The following DBX2 variants were observed in gnomAD, a reference collection of about 807,000 sequenced individuals.
The protein encoded by DBX2 is homeobox protein DBX2.
DBX2 carries 16 observed loss-of-function variants against 17.7 expected under a neutral mutation model. The observed-to-expected ratio is 0.90, with a 90% CI of 0.61 to 1.37. The LOEUF is 1.37. Ranked by LOEUF, DBX2 falls within the 40% of genes most tolerant of loss-of-function variation. The pLI, the probability that DBX2 is intolerant of heterozygous loss-of-function variation, is 0.00. For synonymous variants in DBX2, 255 were observed against 183.8 expected, an observed-to-expected ratio of 1.39 and a Z score of -3.13; for missense variants, 538 against 433.8, an observed-to-expected ratio of 1.24 and a Z score of -2.13.
At chr12:45,028,702 A>C (rs1052279067) in intron 2 of DBX2, among the ~76,000 whole-genome samples, 2 of 152,230 alleles carry the variant, frequency 1.3e-5, no homozygotes, top group Admixed American at 1.3e-4. Context: ...TGAGACCTGG[A>C]GTAAGGGTCA....
intron 3 of DBX2, among the ~76,000 whole-genome samples, chr12:45,023,280 T>C (rs1946363113): frequency 6.6e-6 from 1 of 152,224 alleles, no homozygotes; most frequent in Non-Finnish European, 1.5e-5. Flanking sequence ...GGTTTGATTT[T>C]TGGATTGGAA....
chr12:45,035,937 T>C, intron 2 of DBX2, 82 bp downstream of exon 2: 2 of 1,304,156 alleles, frequency 1.5e-6, no homozygotes, highest in South Asian at 2.9e-5. Flanking sequence ...GCATTACCAA[T>C]TAGTTTTCCA....
At chr12:45,044,224 G>T (rs1392682570) in intron 1 of DBX2, among the ~76,000 whole-genome samples, 3 of 144,046 alleles carry the variant, frequency 2.1e-5, no homozygotes, top group African/African-American at 5.7e-5. Flanking sequence ...TAAACAATCA[G>T]ATGGTCTTTT....
chr12:45,023,597 C>T (rs1434438588), intron 3 of DBX2, 110 bp downstream of exon 3: 2 of 1,262,530 alleles, frequency 1.6e-6, no homozygotes, highest in East Asian at 4.7e-5. Flanking sequence ...CCATTGTGTG[C>T]CTTAAGAAAT....
intron 1 of DBX2, among the ~76,000 whole-genome samples, chr12:45,043,896 A>T (rs1946485161): frequency 6.6e-6 from 1 of 152,064 alleles, no homozygotes; most frequent in African/African-American, 2.4e-5. Flanking sequence ...TGCTGACTCT[A>T]CCACTGTTCA....
At chr12:45,033,758 G>C (rs895926892) in intron 2 of DBX2, among the ~76,000 whole-genome samples, 1 of 152,106 alleles carries the variant, frequency 6.6e-6, no homozygotes, top group Admixed American at 6.5e-5. Flanking sequence ...GCCAAACCAA[G>C]TGCATCATTT....
At chr12:45,018,684 T>G (rs975522471) in intron 3 of DBX2, among the ~76,000 whole-genome samples, 4 of 152,042 alleles carry the variant, frequency 2.6e-5, no homozygotes, top group South Asian at 2.1e-4. Flanking sequence ...TAAATGATAT[T>G]TGTACACCCA....
chr12:45,044,937 A>G (rs1007629654), intron 1 of DBX2, among the ~76,000 whole-genome samples: 2 of 152,200 alleles, frequency 1.3e-5, no homozygotes, highest in Non-Finnish European at 2.9e-5. Context: ...GATTTCATTA[A>G]AAGTGGAAAC....
chr12:45,043,649 CA>C (rs1946483681), intron 1 of DBX2, among the ~76,000 whole-genome samples: 1 of 152,182 alleles, frequency 6.6e-6, no homozygotes. Flanking sequence ...TCCCAGTTGA[CA>C]TCTAACATCA....
At chr12:45,020,092 T>C (rs1447679608) in intron 3 of DBX2, among the ~76,000 whole-genome samples, 4 of 152,188 alleles carry the variant, frequency 2.6e-5, no homozygotes, top group African/African-American at 9.7e-5. Flanking sequence ...AAATGTACAA[T>C]GCAATGGTTT....
chr12:45,019,496 A>T (rs1946340394), intron 3 of DBX2, among the ~76,000 whole-genome samples: 1 of 152,128 alleles, frequency 6.6e-6, no homozygotes, highest in Admixed American at 6.5e-5. Flanking sequence ...TGTTAGTAAG[A>T]GTGAAATTTT....
At chr12:45,028,997 C>A (rs572888611) in intron 2 of DBX2, among the ~76,000 whole-genome samples, 1 of 152,274 alleles carries the variant, frequency 6.6e-6, no homozygotes, top group South Asian at 2.1e-4. Flanking sequence ...CTTTTATGGG[C>A]AATCTCTGGA....
rs904089124 is a variant in DBX2, at chr12:45,050,900, C to T, written c.28G>A (p.Ala10Thr). 16 of 1,512,844 alleles carry T rather than the reference C, an allele frequency of 1.1e-5. No individual in the cohort carries two copies. Among genetic ancestry groups the T allele is most frequent in the African/African-American group, 5.7e-5 (4 of 69,756 alleles). 93.7% of individuals were successfully genotyped at this position (1,512,844 alleles called of 1,614,324 possible). The change falls in exon 1 of 4, where the codon GCC becomes ACC. Residue 10 changes from alanine to threonine, a missense_variant. Physicochemically the swap from Ala to Thr is moderately conservative, Grantham distance 58. Transcript: ENST00000332700. MLPSAVAAH[A>T]GAYWDVVASS... is the part of the protein sequence containing the mutation. ...GCCACAACGTCCCAGTACGCACCGG[C>T]GTGGGCTGCGACCGCGCTGGGGAGC...
intron 1 of DBX2, 62 bp downstream of exon 1, chr12:45,050,463 C>CT: frequency 6.5e-7 from 1 of 1,533,096 alleles, no homozygotes; most frequent in Non-Finnish European, 8.8e-7. Flanking sequence ...GCTCCCAGAT[C>CT]CCTGGACCAC....
At chr12:45,016,885 G>A (rs1486867246) in intron 3 of DBX2, among the ~76,000 whole-genome samples, 1 of 152,088 alleles carries the variant, frequency 6.6e-6, no homozygotes, top group Non-Finnish European at 1.5e-5. Flanking sequence ...CCAGGCTCAA[G>A]CAATCCTCCC....
intron 1 of DBX2, among the ~76,000 whole-genome samples, chr12:45,043,834 C>T (rs1204719144): frequency 1.3e-5 from 2 of 152,198 alleles, no homozygotes; most frequent in Admixed American, 1.3e-4. Context: ...TCCTGCACAT[C>T]TTTTCCTGTA....
At chr12:45,025,421 T>C (rs1946376245) in intron 2 of DBX2, among the ~76,000 whole-genome samples, 1 of 152,068 alleles carries the variant, frequency 6.6e-6, no homozygotes, top group African/African-American at 2.4e-5. Context: ...TGAGACCCAT[T>C]TCAGGGTCTG....
Position 45,050,729 on chromosome 12 carries a change from C to T in DBX2, c.199G>A (p.Ala67Thr). The T allele has an allele frequency of 6.7e-7, 1 of 1,495,888 alleles. No individual in the cohort carries two copies. Among genetic ancestry groups the T allele is most frequent in the Non-Finnish European group, 8.9e-7 (1 of 1,124,778 alleles). 92.7% of individuals were successfully genotyped at this position (1,495,888 alleles called of 1,614,324 possible). The change falls in exon 1 of 4, where the codon GCC (alanine) becomes ACC (threonine). Residue 67 changes from alanine (A) to threonine (T), a missense_variant. Coordinates refer to ENST00000332700, the MANE Select transcript of DBX2 (RefSeq NM_001004329.3). ...PAPHDPATAL[A>T]TAGAQLRPLP... ...GGCCGGAGCTGCGCGCCCGCGGTGG[C>T]CAGGGCGGTCGCCGGGTCGTGGGGC... is the stretch of plus-strand genomic sequence containing the variant.
At position 45,050,824 on chromosome 12, in the gene DBX2, C is replaced by G; in HGVS notation, c.104G>C (p.Gly35Ala). 1 of 1,539,268 alleles carries G rather than the reference C, an allele frequency of 6.5e-7. No homozygotes were observed. Among genetic ancestry groups the G allele is most frequent in the Non-Finnish European group, 8.7e-7 (1 of 1,145,480 alleles). The change falls in exon 1 of 4, where the codon GGC becomes GCC. Residue 35 changes from glycine to alanine, a missense_variant. Physicochemically the swap from Gly to Ala is moderately conservative, Grantham distance 60. Coordinates refer to ENST00000332700, the MANE Select transcript of DBX2 (RefSeq NM_001004329.3). ...CAAATTCTCGATCAGGAAACTCTTG[C>G]CCAGGTTGCCAAAGCCGGGCGCAGC... ...LPAAPGFGNL[G>A]KSFLIENLLR... is the part of the protein sequence containing the mutation.
Sources: allele counts gnomAD v4.1 joint callset (sites outside exome capture counted in the v4.1 genomes callset), GRCh38; gene constraint gnomAD v4.1.1; transcripts MANE v1.5; gene names NCBI Gene and HGNC (gene_info 2026-07-23, HGNC 2026-07-21).